The following SIPA1L3 variants were observed in gnomAD, a reference collection of about 807,000 sequenced individuals.
The protein encoded by SIPA1L3 is signal induced proliferation associated 1 like 3, also known as signal-induced proliferation-associated 1-like protein 3.
A neutral mutation model predicts 150.1 loss-of-function variants in SIPA1L3; 59 were observed. The ratio of observed to expected loss-of-function variants is 0.39; its 90% confidence interval spans 0.32 to 0.49. The LOEUF (loss-of-function observed/expected upper bound fraction) is 0.49. Ranked by LOEUF, SIPA1L3 falls within the 20% of genes least tolerant of loss-of-function variation. The pLI, the probability that SIPA1L3 is intolerant of heterozygous loss-of-function variation, is 0.86. For missense variants in SIPA1L3, 2,211 were observed against 2,489.5 expected (o/e 0.89, Z 2.38); for synonymous variants, 1,070 against 1,077.6 (o/e 0.99, Z 0.14).
intron 16 of SIPA1L3, among the ~76,000 whole-genome samples, chr19:38,191,376 G>A: frequency 6.6e-6 from 1 of 151,592 alleles, no homozygotes; most frequent in Admixed American, 6.6e-5. Context: ...TTCCAGCCTG[G>A]GCAACGGAGG....
chr19:37,950,639 G>T (rs1035767149), intron 1 of SIPA1L3, among the ~76,000 whole-genome samples: 1 of 152,182 alleles, frequency 6.6e-6, no homozygotes, highest in African/African-American at 2.4e-5. Flanking sequence ...GGCCTGCCTC[G>T]CCTCTGTCAT....
chr19:38,070,330 C>T (rs183635297), intron 2 of SIPA1L3, among the ~76,000 whole-genome samples: 7 of 151,942 alleles, frequency 4.6e-5, no homozygotes, highest in Non-Finnish European at 8.8e-5. Context: ...CCACCTCAGC[C>T]TCCCATAGTG....
intron 1 of SIPA1L3, among the ~76,000 whole-genome samples, chr19:37,946,262 G>A (rs1452554294): frequency 6.6e-6 from 1 of 152,050 alleles, no homozygotes; most frequent in Non-Finnish European, 1.5e-5. Context: ...CCTCACCAAC[G>A]CTGGGCTCAC....
In SIPA1L3 at chr19:38,099,966, T is replaced by C. The variant is rs1970463092; in HGVS notation, c.1670T>C (p.Ile557Thr). 1 of 1,602,546 alleles carries C rather than the reference T, an allele frequency of 6.2e-7. No individual in the cohort carries two copies. Among genetic ancestry groups the C allele is most frequent in the Non-Finnish European group, 8.5e-7 (1 of 1,176,238 alleles). The change falls in exon 5 of 22, where the codon ATC becomes ACC. Residue 557 changes from isoleucine to threonine, a missense_variant. By Grantham distance (89) the Ile-to-Thr change is moderately conservative. Coordinates refer to ENST00000222345, the MANE Select transcript of SIPA1L3 (RefSeq NM_015073.3). Reference protein sequence around the residue: ...YRIIFRTRELITLRGSILEDA... With the variant: ...YRIIFRTRELTTLRGSILEDA... The stretch of plus-strand genomic sequence containing the variant: ...TCCCTTCTCTCCCTTGAGTAGCTCA[T>C]CACCCTGCGGGGCTCCATCCTGGAA...
intron 16 of SIPA1L3, among the ~76,000 whole-genome samples, chr19:38,189,627 G>A (rs571786733): frequency 5.3e-4 from 80 of 152,176 alleles, no homozygotes; most frequent in Non-Finnish European, 1.0e-3. Flanking sequence ...TTAGCCAGGC[G>A]TGGTGGCAGG....
chr19:37,911,016 G>A lies in SIPA1L3; in HGVS notation c.-379+3658G>A, dbSNP rs182824742. Among the ~76,000 whole-genome samples, 6 of 152,238 alleles carry A rather than the reference G, an allele frequency of 3.9e-5. No individual in the cohort carries two copies. The East Asian group carries it at 9.6e-4, about 24-fold the overall frequency. Reference sequence around the variant, plus strand: ...GCAAGAAATTCATGCTTGTTGTAACGTGTCAAACAATACAGAGGTGTAGGG... The same window carrying A: ...GCAAGAAATTCATGCTTGTTGTAACATGTCAAACAATACAGAGGTGTAGGG... On this transcript the variant is annotated intron_variant, in intron 1 of 21. Transcript: ENST00000222345.
At chr19:38,065,902 C>CTTATTTATTTAT (rs950492911) in intron 2 of SIPA1L3, among the ~76,000 whole-genome samples, 1 of 87,592 alleles carries the variant, frequency 1.1e-5, no homozygotes, top group African/African-American at 5.6e-5. Flanking sequence ...GGTTTGATCT[C>CTTATTTATTTAT]TTATTTATTT....
At chr19:38,203,116 T>C (rs1483085429) in intron 20 of SIPA1L3, among the ~76,000 whole-genome samples, 1 of 152,166 alleles carries the variant, frequency 6.6e-6, no homozygotes, top group African/African-American at 2.4e-5. Flanking sequence ...TTTTGACTTC[T>C]TGCTTTTCAC....
intron 3 of SIPA1L3, among the ~76,000 whole-genome samples, chr19:38,085,057 T>C (rs1450440996): frequency 1.3e-5 from 2 of 152,172 alleles, no homozygotes; most frequent in African/African-American, 2.4e-5. Flanking sequence ...AGCCCTCGGT[T>C]TGGGGTATCT....
At chr19:37,975,502 C>T (rs1300662168) in intron 1 of SIPA1L3, among the ~76,000 whole-genome samples, 2 of 152,088 alleles carry the variant, frequency 1.3e-5, no homozygotes, top group Admixed American at 1.3e-4. Flanking sequence ...CTCAGGGTCC[C>T]CATCTGTAAG....
intron 15 of SIPA1L3, among the ~76,000 whole-genome samples, chr19:38,176,383 TG>T (rs1168540926): frequency 6.6e-6 from 1 of 151,886 alleles, no homozygotes. Flanking sequence ...GTTTTTTTTT[TG>T]TTTTTTTTAT....
At chr19:38,103,733 C>G (rs1452165677) in intron 6 of SIPA1L3, among the ~76,000 whole-genome samples, 1 of 151,146 alleles carries the variant, frequency 6.6e-6, no homozygotes, top group African/African-American at 2.4e-5. Flanking sequence ...ACCATCCTGG[C>G]TAACAGGGTG....
chr19:37,916,729 G>A (rs977914226), intron 1 of SIPA1L3, among the ~76,000 whole-genome samples: 5 of 152,112 alleles, frequency 3.3e-5, no homozygotes, highest in South Asian at 2.1e-4. Context: ...GGAGGCTGAC[G>A]CGGGTGGATC....
chr19:38,017,805 C>T (rs973718371), intron 1 of SIPA1L3, among the ~76,000 whole-genome samples: 14 of 152,288 alleles, frequency 9.2e-5, no homozygotes, highest in South Asian at 6.2e-4. Flanking sequence ...GCTGGGATTA[C>T]AGGCATAAAC....
At chr19:38,058,940 A>C (rs1026166150) in intron 2 of SIPA1L3, among the ~76,000 whole-genome samples, 1 of 150,940 alleles carries the variant, frequency 6.6e-6, no homozygotes, top group Non-Finnish European at 1.5e-5. Context: ...CAGGAGAATC[A>C]CTTGAAACCA....
chr19:38,082,826 A>C lies in SIPA1L3; in HGVS notation c.1261A>C (p.Asn421His). ...LEQDLGDDNS[N>H]DLLLSCPHFR... ...GCAGGACCTCGGCGATGACAACAGC[A>C]ACGACCTGCTGCTCAGCTGCCCGCA... Residue 421 changes from asparagine to histidine, a missense_variant, in exon 3 of 22, where the codon AAC (asparagine) becomes CAC (histidine). Asn to His is a moderately conservative substitution (Grantham distance 68). This residue lies in a region of SIPA1L3 where 587 missense variants were observed against 534.5 expected (regional missense o/e 1.10). Transcript: ENST00000222345. The C allele has an allele frequency of 6.2e-7, 1 of 1,613,678 alleles. No individual in the cohort carries two copies. The highest frequency in any genetic ancestry group is 8.5e-7 in the Non-Finnish European group (1 of 1,179,918).
At chr19:37,997,235 G>A (rs1967655733) in intron 1 of SIPA1L3, among the ~76,000 whole-genome samples, 2 of 152,092 alleles carry the variant, frequency 1.3e-5, no homozygotes, top group Non-Finnish European at 2.9e-5. Context: ...TAGGGTTTGG[G>A]AAGATTCCAC....
rs537798553 is a variant in SIPA1L3, at chr19:38,159,516, C to T, written c.3662-2737C>T. Among the ~76,000 whole-genome samples the T allele has an allele frequency of 2.6e-4, 39 of 152,350 alleles. 1 individual carries two copies. The highest frequency in any genetic ancestry group is 9.1e-4 in the African/African-American group (38 of 41,582). On this transcript the variant is annotated intron_variant, in intron 13 of 21. Coordinates refer to ENST00000222345, the MANE Select transcript of SIPA1L3 (RefSeq NM_015073.3). ...AGTGAGATAATGCCGGCCAAGCCCA[C>T]GGCCCATCATTAGGAGAACAAGAGC...
intron 1 of SIPA1L3, among the ~76,000 whole-genome samples, chr19:37,950,221 T>G (rs2046751025): frequency 6.6e-6 from 1 of 152,106 alleles, no homozygotes; most frequent in Admixed American, 6.6e-5. Context: ...TGCTAAAGCC[T>G]TTTACTTCAG....
Sources: allele counts gnomAD v4.1 joint callset (sites outside exome capture counted in the v4.1 genomes callset), GRCh38; gene constraint gnomAD v4.1.1; regional missense constraint gnomAD v4.1.1; transcripts MANE v1.5; gene names NCBI Gene and HGNC (gene_info 2026-07-23, HGNC 2026-07-21).